RAD51AP2: variants seen among roughly 807,000 people sequenced by gnomAD.
RAD51AP2 encodes RAD51-associated protein 2.
A neutral mutation model predicts 85.5 loss-of-function variants in RAD51AP2; 67 were observed. The ratio of observed to expected loss-of-function variants is 0.78; its 90% CI spans 0.64 to 0.96. The LOEUF is 0.96. Among genes scored for constraint, RAD51AP2 ranks in the 40% least tolerant of loss-of-function variants. The pLI is 0.00. For synonymous variants in RAD51AP2, 474 were observed against 446.5 expected (o/e 1.06, Z -0.78); for missense variants, 1,307 against 1,332.4 (o/e 0.98, Z 0.30).
the RAD51AP2 span, among the ~76,000 whole-genome samples, chr2:17,526,040 T>C: frequency 1.3e-5 from 2 of 151,896 alleles, no homozygotes; most frequent in South Asian, 4.1e-4. Context: ...AATGAACATA[T>C]ATTTCCAAGC....
At position 17,513,116 on chromosome 2, in the gene RAD51AP2, T is replaced by G. The variant is rs915476114; in HGVS notation, c.3328+896A>C. ...AGTTCCATAATTTCAATCCTACCCC[T>G]ACCCTACACCCTTGGTACCACAAGG... is the stretch of plus-strand genomic sequence containing the variant. On this transcript the variant is annotated intron_variant, in intron 2 of 2. Transcript: ENST00000399080. 3.9e-5 allele frequency among the ~76,000 whole-genome samples: 6 copies of G among 152,104 alleles called. No homozygotes were observed. The South Asian group carries it at 8.3e-4, about 21-fold the overall frequency.
the RAD51AP2 span, among the ~76,000 whole-genome samples, chr2:17,526,500 T>A: frequency 6.6e-6 from 1 of 152,152 alleles, no homozygotes; most frequent in Non-Finnish European, 1.5e-5. Flanking sequence ...TTGCTGCATG[T>A]CATTGCAGGG....
the RAD51AP2 span, among the ~76,000 whole-genome samples, chr2:17,535,910 T>C: frequency 9.7e-6 from 1 of 102,938 alleles, no homozygotes; most frequent in African/African-American, 3.8e-5. Flanking sequence ...AGATGAACTC[T>C]AAAGGATATA....
chr2:17,514,025 A>G lies in RAD51AP2; in HGVS notation c.3315T>C (p.Tyr1105=), dbSNP rs1213508244. 6 of 1,548,924 alleles carry G rather than the reference A, an allele frequency of 3.9e-6. No homozygotes were observed. In the Admixed American group the frequency reaches 1.0e-4, roughly 26 times the overall value. ...LPDECKEEFN[Y]LLRGGSHFPH... is the part of the protein sequence containing the mutation. ...CCACAATGTTACCTCCTCTCAATAAATAATTAAATTCTTCTTTACATTCAT... is the reference window on the plus strand; with the variant it reads ...CCACAATGTTACCTCCTCTCAATAAGTAATTAAATTCTTCTTTACATTCAT... The change falls in exon 2 of 3, where the codon TAT becomes TAC. Residue 1105 remains tyrosine, a synonymous_variant. Coordinates refer to ENST00000399080, the MANE Select transcript of RAD51AP2 (RefSeq NM_001099218.3).
At position 17,518,347 on chromosome 2, in the gene RAD51AP2, A is replaced by T; in HGVS notation, c.69T>A (p.Pro23=). The T allele has an allele frequency of 1.9e-6, 3 of 1,613,936 alleles. No individual in the cohort carries two copies. The highest frequency in any genetic ancestry group is 2.5e-6 in the Non-Finnish European group (3 of 1,179,902). ...LRKPTSSLTP[P]EDPDSQPPSS... Reference sequence around the variant, plus strand: ...TAGGTGGTTGGGAATCCGGGTCCTCAGGAGGCGTTAAAGAGGAGGTAGGCT... The same window carrying T: ...TAGGTGGTTGGGAATCCGGGTCCTCTGGAGGCGTTAAAGAGGAGGTAGGCT... Residue 23 remains proline (P), a synonymous_variant, in exon 1 of 3, where the codon CCT becomes CCA. Transcript: ENST00000399080.
In RAD51AP2 at chr2:17,515,745, C is replaced by T. The variant is rs1553293878; in HGVS notation, c.2671G>A (p.Val891Ile). 1 of 1,596,942 alleles carries T rather than the reference C, an allele frequency of 6.3e-7. No individual in the cohort carries two copies. Among genetic ancestry groups the T allele is most frequent in the South Asian group, 1.1e-5 (1 of 87,702 alleles). Reference protein sequence around the residue: ...KEVNVEENKYVNQNYVTNTNE... With the variant: ...KEVNVEENKYINQNYVTNTNE... ...GTATTTGTTACATAATTTTGATTAA[C>T]ATATTTATTTTCTTCCACATTTACT... The change falls in exon 1 of 3, where the codon GTT becomes ATT. Residue 891 changes from valine (V) to isoleucine (I), a missense_variant. Around this residue, in one of 3 missense-constraint regions of RAD51AP2, gnomAD observed 668 missense variants for 671.0 expected, o/e 1.00. Coordinates refer to ENST00000399080, the MANE Select transcript of RAD51AP2 (RefSeq NM_001099218.3).
intron 1 of RAD51AP2, 58 bp from the exon 2 acceptor site, chr2:17,514,150 G>C: frequency 1.1e-6 from 1 of 912,264 alleles, no homozygotes; most frequent in Non-Finnish European, 1.7e-6. Flanking sequence ...AAATATTAAT[G>C]GTATAAACAA....
At chr2:17,514,430 G>A (rs1177193677) in intron 1 of RAD51AP2, among the ~76,000 whole-genome samples, 1 of 152,156 alleles carries the variant, frequency 6.6e-6, no homozygotes, top group Non-Finnish European at 1.5e-5. Context: ...TACAAGAGGA[G>A]AGTGAAGAGG....
chr2:17,536,019 TAA>T, the RAD51AP2 span, among the ~76,000 whole-genome samples: 314 of 144,526 alleles, frequency 2.2e-3, no homozygotes, highest in African/African-American at 7.6e-3. Flanking sequence ...ACTGTTTGGT[TAA>T]AAAAAAAAAA....
chr2:17,517,797 CATGAA>C lies in RAD51AP2; in HGVS notation c.614_618del (p.Phe205Ter), dbSNP rs754582655. On this transcript the variant is annotated frameshift_variant, in exon 1 of 3. Coordinates refer to ENST00000399080, the MANE Select transcript of RAD51AP2 (RefSeq NM_001099218.3). LOFTEE classifies it high-confidence loss of function. Reference sequence around the variant, plus strand: ...TTAGCTTTACATCTGTTCTTAATTTCATGAAATGGTGATTTAGTTTCCTTGTAAAA... The same window carrying C: ...TTAGCTTTACATCTGTTCTTAATTTCATGGTGATTTAGTTTCCTTGTAAAA... 1.9e-6 allele frequency: 3 copies of C among 1,614,084 alleles called. No individual in the cohort carries two copies.
At chr2:17,522,039 C>T (rs528464525), upstream of RAD51AP2, among the ~76,000 whole-genome samples, 19 of 151,966 alleles carry the variant, frequency 1.3e-4, no homozygotes, top group Non-Finnish European at 2.4e-4. Flanking sequence ...ATAAACCAGT[C>T]TTCATTTTAC....
the RAD51AP2 span, among the ~76,000 whole-genome samples, chr2:17,524,099 C>T: frequency 1.3e-5 from 2 of 151,836 alleles, no homozygotes; most frequent in South Asian, 2.1e-4. Flanking sequence ...AATACATTGC[C>T]GAATCAGGCT....
Position 17,517,603 on chromosome 2 carries a change from G to C in RAD51AP2, c.813C>G (p.Ser271=). The C allele has an allele frequency of 6.2e-7, 1 of 1,613,812 alleles. No homozygotes were observed. Among genetic ancestry groups the C allele is most frequent in the Non-Finnish European group, 8.5e-7 (1 of 1,179,870 alleles). ...TCGCTATTTCCTTTAAATAGACAGA[G>C]GACATTTTGCTATTTAAGTCCATTG... ...QFPMDLNSKM[S]SVYLKEIAKK... Residue 271 remains serine, a synonymous_variant, in exon 1 of 3, where the codon TCC becomes TCG. Coordinates refer to ENST00000399080, the MANE Select transcript of RAD51AP2 (RefSeq NM_001099218.3).
chr2:17,532,376 T>TA, the RAD51AP2 span, among the ~76,000 whole-genome samples: 2 of 152,178 alleles, frequency 1.3e-5, no homozygotes, highest in Non-Finnish European at 2.9e-5. Context: ...TTGTGCATAA[T>TA]TCCAATCTTT....
At chr2:17,529,210 T>C in the RAD51AP2 span, among the ~76,000 whole-genome samples, 2 of 151,760 alleles carry the variant, frequency 1.3e-5, no homozygotes, top group African/African-American at 4.8e-5. Flanking sequence ...CTTTCCTCTG[T>C]ATACATTTAC....
At chr2:17,526,605 G>A in the RAD51AP2 span, among the ~76,000 whole-genome samples, 1 of 152,048 alleles carries the variant, frequency 6.6e-6, no homozygotes, top group South Asian at 2.1e-4. Flanking sequence ...ACTTTGTCAG[G>A]AACTTCAATG....
chr2:17,537,227 C>A, the RAD51AP2 span, among the ~76,000 whole-genome samples: 1 of 151,988 alleles, frequency 6.6e-6, no homozygotes, highest in Non-Finnish European at 1.5e-5. Flanking sequence ...GAAGCTGAGG[C>A]GGGAGGATCA....
At chr2:17,532,334 G>C in the RAD51AP2 span, among the ~76,000 whole-genome samples, 3 of 152,092 alleles carry the variant, frequency 2.0e-5, no homozygotes, top group South Asian at 2.1e-4. Context: ...CTAGCTTCTT[G>C]TTGTTGCTGG....
At chr2:17,514,864 T>C (rs1245047313) in intron 1 of RAD51AP2, among the ~76,000 whole-genome samples, 1 of 151,692 alleles carries the variant, frequency 6.6e-6, no homozygotes, top group Non-Finnish European at 1.5e-5. Flanking sequence ...AGTAATGATA[T>C]GTGGTAAATG....
Sources: gnomAD v4.1 joint callset for allele counts (sites outside exome capture counted in the v4.1 genomes callset) on GRCh38, gnomAD v4.1.1 for gene constraint, gnomAD v4.1.1 regional missense constraint, MANE v1.5 for transcripts, NCBI Gene and HGNC (gene_info 2026-07-23, HGNC 2026-07-21) for gene names.